Variants in ARHGEF12 observed in about 807,000 individuals in gnomAD.
The protein encoded by ARHGEF12 is Rho guanine nucleotide exchange factor 12, also known as KMT2A/ARHGEF12 fusion protein.
A neutral mutation model predicts 211.2 loss-of-function variants in ARHGEF12; 66 were observed. The ratio of observed to expected loss-of-function variants is 0.31; its 90% CI spans 0.26 to 0.38. The LOEUF is 0.38. ARHGEF12 is among the 10% of genes least tolerant of loss of function. The pLI is 1.00. For synonymous variants in ARHGEF12, 592 were observed against 638.4 expected (o/e 0.93, Z 1.09); for missense variants, 1,429 against 1,869.5 (o/e 0.76, Z 4.34).
At chr11:120,449,067 T>C (rs781649316) in intron 20 of ARHGEF12, 42 bp from the exon 21 acceptor site, 1 of 1,544,694 alleles carries the variant, frequency 6.5e-7, no homozygotes, top group Non-Finnish European at 8.9e-7. Context: ...AAAAGAAATT[T>C]ACTCTGTTAC....
chr11:120,465,003 C>CAA (rs141433804), intron 27 of ARHGEF12: 35 of 476,618 alleles, frequency 7.3e-5, no homozygotes, highest in Admixed American at 2.0e-4. Context: ...AACACTGTCT[C>CAA]AAAAAAAAGA....
chr11:120,415,689 T>G (rs916803201), intron 4 of ARHGEF12, among the ~76,000 whole-genome samples: 2 of 152,298 alleles, frequency 1.3e-5, no homozygotes. Flanking sequence ...TTTGAAGGAC[T>G]GGATTTCTGA....
chr11:120,482,232 A>G (rs1947266501), intron 39 of ARHGEF12, among the ~76,000 whole-genome samples: 1 of 152,220 alleles, frequency 6.6e-6, no homozygotes, highest in East Asian at 1.9e-4. Context: ...TTATGAATCT[A>G]GGCTGAGAAA....
At chr11:120,440,259 T>G (rs751913632) in intron 13 of ARHGEF12, 38 bp downstream of exon 13, 63 of 1,506,656 alleles carry the variant, frequency 4.2e-5, no homozygotes, top group Non-Finnish European at 5.6e-5. Flanking sequence ...AGATTGTTAC[T>G]TTCTGCAATA....
rs11289906 is a variant in ARHGEF12, at chr11:120,482,744, C to CA, written c.4554+1184dup. Among the ~76,000 whole-genome samples the CA allele has an allele frequency of 0.014, 1,707 of 118,972 alleles. 82 individuals are homozygous for CA. In the South Asian group the frequency reaches 0.18, roughly 13 times the overall value. 78.1% of individuals were successfully genotyped at this position (118,972 alleles called of 152,430 possible). A position where few individuals can be genotyped will look rare whatever the true frequency, so the allele number is the denominator to read the frequency against. Reference sequence around the variant, plus strand: ...TGGGTGACAGAGCGAGACTCTGTCTCAAAAAAAAAAAAAAAAGTTTGCCAT... The same window carrying CA: ...TGGGTGACAGAGCGAGACTCTGTCTCAAAAAAAAAAAAAAAAAGTTTGCCAT... On this transcript the variant is annotated intron_variant, in intron 39 of 40. Transcript: ENST00000397843.
chr11:120,470,932 C>T (rs1475956395), intron 30 of ARHGEF12, among the ~76,000 whole-genome samples: 2 of 152,114 alleles, frequency 1.3e-5, no homozygotes, highest in African/African-American at 2.4e-5. Context: ...ATTATATGGC[C>T]TGCAAAGCCT....
At chr11:120,371,246 T>C (rs1372564688) in intron 1 of ARHGEF12, among the ~76,000 whole-genome samples, 2 of 152,196 alleles carry the variant, frequency 1.3e-5, no homozygotes, top group East Asian at 3.8e-4. Context: ...CCCAGCAATA[T>C]GGGAGGCCGA....
intron 4 of ARHGEF12, chr11:120,411,254 C>A (rs148051948): frequency 6.6e-6 from 1 of 152,190 alleles, no homozygotes; most frequent in East Asian, 1.9e-4. Flanking sequence ...AAGCACTCAT[C>A]GGAGGGATGA....
chr11:120,349,063 G>C (rs1200132636), intron 1 of ARHGEF12, among the ~76,000 whole-genome samples: 1 of 152,106 alleles, frequency 6.6e-6, no homozygotes, highest in East Asian at 1.9e-4. Flanking sequence ...TAATATACTT[G>C]TACCTTGGTT....
intron 22 of ARHGEF12, among the ~76,000 whole-genome samples, chr11:120,453,832 C>T (rs936411114): frequency 3.9e-4 from 60 of 152,276 alleles, no homozygotes; most frequent in Admixed American, 2.9e-3. Flanking sequence ...CCTGGAGAGA[C>T]TTTGGGCTCA....
rs73584140 is a variant in ARHGEF12, at chr11:120,478,407, C to T, written c.3766+18C>T. ...AAGAAATTGTAAGTTTTATTCATAA[C>T]TTATTACAGATACTTACTAAGTATG... On this transcript the variant is annotated intron_variant, in intron 37 of 40. Coordinates refer to ENST00000397843, the MANE Select transcript of ARHGEF12 (RefSeq NM_015313.3). 2.5e-3 allele frequency: 3,988 copies of T among 1,601,158 alleles called. 60 individuals carry two copies. The African/African-American group carries it at 0.042, about 17-fold the overall frequency.
In ARHGEF12 at chr11:120,459,155, A is replaced by C; in HGVS notation, c.2381-19A>C. ...ATTGTTCTAAGTAAGGCAACATTTC[A>C]TATCTCTTTCCTGTTCAGAATTGTT... On this transcript the variant is annotated intron_variant, in intron 25 of 40. Coordinates refer to ENST00000397843, the MANE Select transcript of ARHGEF12 (RefSeq NM_015313.3). 1 of 1,580,650 alleles carries C rather than the reference A, an allele frequency of 6.3e-7. No homozygotes were observed.
At chr11:120,347,122 T>C (rs867355750) in intron 1 of ARHGEF12, among the ~76,000 whole-genome samples, 1 of 146,292 alleles carries the variant, frequency 6.8e-6, no homozygotes, top group Non-Finnish European at 1.5e-5. Flanking sequence ...CCTCTCCCTT[T>C]CTTTCTTTCT....
At chr11:120,434,267 A>C (rs1236821633) in intron 11 of ARHGEF12, among the ~76,000 whole-genome samples, 1 of 152,220 alleles carries the variant, frequency 6.6e-6, no homozygotes, top group African/African-American at 2.4e-5. Flanking sequence ...GGTTGTACCC[A>C]ATGCTTTACA....
chr11:120,469,116 G>A (rs1439424100), intron 29 of ARHGEF12, among the ~76,000 whole-genome samples, 172 bp from the exon 30 acceptor site: 2 of 152,158 alleles, frequency 1.3e-5, no homozygotes, highest in Non-Finnish European at 2.9e-5. Flanking sequence ...AGTTTTACCT[G>A]TCCAAAGACT....
chr11:120,439,752 G>A (rs1318992265), intron 12 of ARHGEF12: 3 of 156,862 alleles, frequency 1.9e-5, no homozygotes, highest in African/African-American at 7.2e-5. Flanking sequence ...AACCATTTAT[G>A]TAAGCCAACT....
chr11:120,437,281 A>G (rs1437407792), intron 11 of ARHGEF12, 27 bp from the exon 12 acceptor site: 1 of 1,550,256 alleles, frequency 6.5e-7, no homozygotes. Context: ...TATTGAAATG[A>G]ACTGAAGATC....
intron 30 of ARHGEF12, among the ~76,000 whole-genome samples, chr11:120,472,271 G>T (rs1220837061): frequency 1.3e-5 from 2 of 152,068 alleles, no homozygotes; most frequent in African/African-American, 4.8e-5. Flanking sequence ...CACACAACAT[G>T]CACAAAGACA....
rs147292611 is a variant in ARHGEF12 at position 120,439,896 on chromosome 11, GT to G, written c.1000-227del. On this transcript the variant is annotated intron_variant, in intron 12 of 40. Transcript: ENST00000397843. ...ATATTTACTGTTTCCAAGGGGAGTG[GT>G]TTTTTCCCCCCAAAAAAAACTCGTT... is the stretch of plus-strand genomic sequence containing the variant. 2,138 of 467,150 alleles carry G rather than the reference GT, an allele frequency of 4.6e-3. 34 individuals carry two copies. The highest frequency in any genetic ancestry group is 0.038 in the African/African-American group (1,921 of 49,994). The allele number at this position is 467,150 out of a possible 1,614,324, so 28.9% of individuals were successfully genotyped here.
Sources: allele counts gnomAD v4.1 joint callset (sites outside exome capture counted in the v4.1 genomes callset), GRCh38; gene constraint gnomAD v4.1.1; transcripts MANE v1.5; gene names NCBI Gene and HGNC (gene_info 2026-07-23, HGNC 2026-07-21).